SLC36A4: variants seen among roughly 807,000 people sequenced by gnomAD.
The protein encoded by SLC36A4 is neutral amino acid uniporter 4.
A neutral mutation model predicts 50.5 loss-of-function variants in SLC36A4; 49 were observed. The ratio of observed to expected loss-of-function variants is 0.97; its 90% CI spans 0.77 to 1.23. SLC36A4 has a LOEUF of 1.23. Among genes scored for constraint, SLC36A4 ranks in the 50% most tolerant of loss-of-function variants. The pLI is 0.00. For synonymous variants in SLC36A4, 207 were observed against 206.5 expected (o/e 1.00, Z -0.02); for missense variants, 611 against 608.4 (o/e 1.00, Z -0.05).
intron 7 of SLC36A4, chr11:93,166,256 C>A (rs770163893): frequency 8.3e-7 from 1 of 1,204,908 alleles, no homozygotes; most frequent in African/African-American, 1.5e-5. Flanking sequence ...GCAAAATGCT[C>A]CTGATTACCT....
chr11:93,148,815 C>A lies in SLC36A4; in HGVS notation c.1237G>T (p.Asp413Tyr). 6.2e-7 allele frequency: 1 copy of A among 1,611,360 alleles called. No homozygotes were observed. Among genetic ancestry groups the A allele is most frequent in the South Asian group, 1.1e-5 (1 of 90,598 alleles). ...GCTCCAACGAAGGAAATCACAATGT[C>A]TAAACGAGGAATAAGAATTGCTCCG... ...CAGAILIPRL[D>Y]IVISFVGAVS... The change falls in exon 11 of 11, where the codon GAC (aspartate) becomes TAC (tyrosine). Residue 413 changes from aspartate to tyrosine, a missense_variant. Physicochemically the swap from Asp to Tyr is radical, Grantham distance 160. Transcript: ENST00000326402.
chr11:93,151,048 T>G (rs2134625817), intron 10 of SLC36A4, among the ~76,000 whole-genome samples: 1 of 152,124 alleles, frequency 6.6e-6, no homozygotes, highest in South Asian at 2.1e-4. Context: ...GAAGTATAAT[T>G]CTCATCTAAA....
At chr11:93,165,870 G>T (rs754239082) in intron 8 of SLC36A4, 48 bp downstream of exon 8, 2 of 1,196,388 alleles carry the variant, frequency 1.7e-6, no homozygotes, top group South Asian at 3.0e-5. Context: ...ATAAATCATT[G>T]TGCTGAATTA....
intron 6 of SLC36A4, among the ~76,000 whole-genome samples, chr11:93,175,426 G>GT (rs1444681756): frequency 6.6e-6 from 1 of 150,660 alleles, no homozygotes; most frequent in Admixed American, 6.6e-5. Flanking sequence ...TTTTTGAAGG[G>GT]TTTTTTGTGT....
Position 93,147,512 on chromosome 11 carries a change from T to A in SLC36A4, c.*1025A>T, listed in dbSNP as rs1859884885. ...AGCCAGGAGTTTCACCAGCAAGCGG[T>A]CTCTATTCTGTTTTAAAAGAACATA... On this transcript the variant is annotated 3_prime_UTR_variant, in exon 11 of 11. Coordinates refer to ENST00000326402, the MANE Select transcript of SLC36A4 (RefSeq NM_152313.4). The A allele has an allele frequency of 6.6e-6, 1 of 152,124 alleles. No homozygotes were observed. Among genetic ancestry groups the A allele is most frequent in the Non-Finnish European group, 1.5e-5 (1 of 68,008 alleles). 9.4% of individuals were successfully genotyped at this position (152,124 alleles called of 1,614,324 possible).
chr11:93,154,142 T>C lies in SLC36A4; in HGVS notation c.1173A>G (p.Glu391=), dbSNP rs1427743638. Residue 391 remains glutamate, a synonymous_variant, in exon 10 of 11, where the codon GAA becomes GAG. Transcript: ENST00000326402. ...TAACCAAGAAGGATCTTATCCCAAA[T>C]TCACAGATTTGCTTCCATTTAGTAT... The part of the protein sequence containing the change: ...KFHTKWKQIC[E]FGIRSFLVSI... The C allele has an allele frequency of 6.4e-7, 1 of 1,556,834 alleles. No homozygotes were observed. The highest frequency in any genetic ancestry group is 8.7e-7 in the Non-Finnish European group (1 of 1,154,094).
At chr11:93,154,500 C>T (rs1860258537) in intron 9 of SLC36A4, 2 of 252,020 alleles carry the variant, frequency 7.9e-6, no homozygotes, top group Non-Finnish European at 1.5e-5. Flanking sequence ...CTTGAACATG[C>T]ATGCCAGGGT....
intron 1 of SLC36A4, 31 bp downstream of exon 1, chr11:93,197,747 C>T (rs1265506916): frequency 1.9e-6 from 3 of 1,583,008 alleles, no homozygotes; most frequent in South Asian, 1.1e-5. Flanking sequence ...CCCACGTCAG[C>T]CCCGGCTCCC....
At chr11:93,172,218 T>C (rs891660779) in intron 6 of SLC36A4, among the ~76,000 whole-genome samples, 5 of 152,162 alleles carry the variant, frequency 3.3e-5, no homozygotes, top group African/African-American at 1.2e-4. Context: ...ACAACACTAA[T>C]CTCTTGACAC....
At chr11:93,195,107 A>T (rs745310881) in intron 1 of SLC36A4, among the ~76,000 whole-genome samples, 1 of 151,522 alleles carries the variant, frequency 6.6e-6, no homozygotes, top group Non-Finnish European at 1.5e-5. Context: ...CAAAAAGAGA[A>T]GGCAAGGAGG....
chr11:93,180,768 G>C, intron 6 of SLC36A4, 29 bp downstream of exon 6: 1 of 1,507,738 alleles, frequency 6.6e-7, no homozygotes, highest in Non-Finnish European at 9.2e-7. Context: ...AGAAGAAAAT[G>C]ATTTCACTAA....
At chr11:93,160,694 TC>T (rs1358856374) in intron 9 of SLC36A4, 5 of 985,178 alleles carry the variant, frequency 5.1e-6, no homozygotes, top group African/African-American at 1.7e-5. Context: ...TTTGGAAACT[TC>T]CCCCCTAAAA....
chr11:93,197,538 A>T (rs893647910), intron 1 of SLC36A4: 1 of 546,238 alleles, frequency 1.8e-6, no homozygotes, highest in African/African-American at 2.0e-5. Flanking sequence ...ACTCACCCAC[A>T]CGCGCGCGCG....
At chr11:93,189,350 T>C (rs931837582) in intron 1 of SLC36A4, among the ~76,000 whole-genome samples, 8 of 152,088 alleles carry the variant, frequency 5.3e-5, no homozygotes, top group Non-Finnish European at 1.2e-4. Context: ...CCACTGCTCC[T>C]GGCCATGGTC....
At chr11:93,186,485 ATTT>A (rs1457826202) in intron 1 of SLC36A4, among the ~76,000 whole-genome samples, 14 of 151,884 alleles carry the variant, frequency 9.2e-5, no homozygotes, top group Middle Eastern at 3.6e-3. Flanking sequence ...TTGCCATTAT[ATTT>A]TTTATGATGC....
intron 9 of SLC36A4, chr11:93,160,385 G>A (rs1048744125): frequency 2.0e-6 from 2 of 985,370 alleles, no homozygotes; most frequent in Non-Finnish European, 2.4e-6. Context: ...GAAAGGTGGT[G>A]TCTAGCTAGA....
chr11:93,160,105 C>T, intron 9 of SLC36A4: 1 of 985,360 alleles, frequency 1.0e-6, no homozygotes, highest in Non-Finnish European at 1.2e-6. Flanking sequence ...TTATTCTAGT[C>T]CAAACTTCTC....
At chr11:93,159,165 TATA>T (rs1365930679) in intron 9 of SLC36A4, among the ~76,000 whole-genome samples, 2 of 152,142 alleles carry the variant, frequency 1.3e-5, no homozygotes, top group Admixed American at 6.6e-5. Context: ...CAAAATCTAT[TATA>T]ATGATAGTAA....
chr11:93,175,305 A>AT (rs1169453683), intron 6 of SLC36A4, among the ~76,000 whole-genome samples: 1 of 151,656 alleles, frequency 6.6e-6, no homozygotes, highest in East Asian at 2.0e-4. Context: ...CCCCTTTATC[A>AT]TTTTTTATTG....
Sources: allele counts gnomAD v4.1 joint callset (sites outside exome capture counted in the v4.1 genomes callset), GRCh38; gene constraint gnomAD v4.1.1; transcripts MANE v1.5; gene names NCBI Gene and HGNC (gene_info 2026-07-23, HGNC 2026-07-21).